SH3BP4: variants seen among roughly 807,000 people sequenced by gnomAD.
SH3BP4 encodes the protein SH3 domain-binding protein 4.
SH3BP4 carries 33 observed loss-of-function variants against 65.5 expected under a neutral mutation model. That is an observed-to-expected ratio of 0.50 (90% confidence interval 0.38 to 0.67). SH3BP4 has a LOEUF of 0.67. Ranked by LOEUF, SH3BP4 falls within the 30% of genes least tolerant of loss-of-function variation. The pLI, the probability that SH3BP4 is intolerant of heterozygous loss-of-function variation, is 0.00. For synonymous variants in SH3BP4, 552 were observed against 545.5 expected, an observed-to-expected ratio of 1.01 and a Z score of -0.17; for missense variants, 1,134 against 1,261.4, an observed-to-expected ratio of 0.90 and a Z score of 1.53.
chr2:235,005,008 G>A (rs1346609441), intron 2 of SH3BP4, among the ~76,000 whole-genome samples: 1 of 152,200 alleles, frequency 6.6e-6, no homozygotes, highest in East Asian at 1.9e-4. Context: ...CTGTTGGCAT[G>A]GACCAGCAAG....
intron 1 of SH3BP4, among the ~76,000 whole-genome samples, chr2:234,988,702 G>A (rs1693659211): frequency 2.0e-5 from 3 of 152,164 alleles, no homozygotes; most frequent in Non-Finnish European, 2.9e-5. Context: ...GGTGCCAGGA[G>A]GAGCTCACGG....
chr2:235,040,985 C>G lies in SH3BP4; in HGVS notation c.216C>G (p.Thr72=), dbSNP rs1695615044. 6.2e-7 allele frequency: 1 copy of G among 1,613,910 alleles called. No homozygotes were observed. Among genetic ancestry groups the G allele is most frequent in the Admixed American group, 1.7e-5 (1 of 60,008 alleles). The stretch of plus-strand genomic sequence containing the variant: ...AGGACTATTGCCCCACCAACTTCAC[C>G]ACACTGAAGTTCTCCAAGGGCGACC... ...AIKDYCPTNF[T]TLKFSKGDHL... is the part of the protein sequence containing the mutation. The change falls in exon 4 of 6, where the codon ACC becomes ACG. Residue 72 remains threonine (T), a synonymous_variant. Coordinates refer to ENST00000392011, the MANE Select transcript of SH3BP4 (RefSeq NM_014521.3).
intron 2 of SH3BP4, among the ~76,000 whole-genome samples, chr2:235,020,934 C>A (rs931496115): frequency 2.0e-5 from 3 of 152,200 alleles, no homozygotes; most frequent in Non-Finnish European, 4.4e-5. Context: ...ATAATCTTGA[C>A]ACCAGGGAGG....
In SH3BP4 at chr2:234,976,793, C is replaced by A. The variant is rs371188513; in HGVS notation, c.-206-18510C>A. ...GCGTCTTACAGAATACCTAACCAGGCCTCCTCTACTGTCAAGGTCACCCAA... is the reference window on the plus strand; with the variant it reads ...GCGTCTTACAGAATACCTAACCAGGACTCCTCTACTGTCAAGGTCACCCAA... On this transcript the variant is annotated intron_variant, in intron 1 of 5. Coordinates refer to ENST00000392011, the MANE Select transcript of SH3BP4 (RefSeq NM_014521.3). This position sits in a 1 kb window ranked among gnomAD's most constrained non-coding sequence, Gnocchi z 4.7. Among the ~76,000 whole-genome samples, 4 of 152,310 alleles carry A rather than the reference C, an allele frequency of 2.6e-5. No individual in the cohort carries two copies. Among genetic ancestry groups the A allele is most frequent in the African/African-American group, 9.6e-5 (4 of 41,560 alleles).
intron 2 of SH3BP4, among the ~76,000 whole-genome samples, chr2:235,019,237 G>A (rs978210504): frequency 1.3e-5 from 2 of 152,120 alleles, no homozygotes; most frequent in African/African-American, 2.4e-5. Context: ...GGGAGCCCAG[G>A]AGGGCGCTGC....
rs34333205 is a variant in SH3BP4, at chr2:235,034,125, A to AC, written c.-132-740dup. On this transcript the variant is annotated intron_variant, in intron 2 of 5. Transcript: ENST00000392011. This position sits in a 1 kb window ranked among gnomAD's most constrained non-coding sequence, Gnocchi z 6.2. Reference sequence around the variant, plus strand: ...GCCAGTCACCTCATTCATATCCAGAACCCCCCACATGCTTCAGTCCTGTCT... The same window carrying AC: ...GCCAGTCACCTCATTCATATCCAGAACCCCCCCACATGCTTCAGTCCTGTCT... 1.3e-5 allele frequency among the ~76,000 whole-genome samples: 2 copies of AC among 150,932 alleles called. No homozygotes were observed. Among genetic ancestry groups the AC allele is most frequent in the African/African-American group, 4.9e-5 (2 of 40,946 alleles).
At chr2:235,043,279 G>A (rs1695740273) in intron 4 of SH3BP4, 32 bp downstream of exon 4, 1 of 1,518,000 alleles carries the variant, frequency 6.6e-7, no homozygotes. Context: ...GGGCGTTCAG[G>A]GGTGCTGCTC....
At chr2:234,965,139 G>A (rs1692807056) in intron 1 of SH3BP4, among the ~76,000 whole-genome samples, 1 of 152,170 alleles carries the variant, frequency 6.6e-6, no homozygotes, top group Non-Finnish European at 1.5e-5. Flanking sequence ...CTAAGCTGAC[G>A]GTTGAATCAT....
intron 2 of SH3BP4, among the ~76,000 whole-genome samples, chr2:235,009,899 C>A (rs1353070256): frequency 2.6e-5 from 4 of 152,060 alleles, no homozygotes; most frequent in African/African-American, 9.7e-5. Context: ...TCCATGTCAC[C>A]CCCAGGACCT....
At chr2:235,001,331 AGGATTTGCACCCTCAAAAAAC>A (rs946300362) in intron 2 of SH3BP4, among the ~76,000 whole-genome samples, 3 of 152,162 alleles carry the variant, frequency 2.0e-5, no homozygotes, top group Non-Finnish European at 4.4e-5. Context: ...GATTCCTTAG[AGGATTTGCACCCTCAAAAAAC>A]GTTAACAACC....
In SH3BP4 at chr2:235,013,016, C is replaced by T. The variant is rs560155560; in HGVS notation, c.-133+17640C>T. On this transcript the variant is annotated intron_variant, in intron 2 of 5. Transcript: ENST00000392011. ...TGCAGATGGTGACACAGCTTTTCTCCCAGGCTGTGGAAATTTCAGCCCACT... is the reference window on the plus strand; with the variant it reads ...TGCAGATGGTGACACAGCTTTTCTCTCAGGCTGTGGAAATTTCAGCCCACT... Among the ~76,000 whole-genome samples, 24 of 152,302 alleles carry T rather than the reference C, an allele frequency of 1.6e-4. No individual in the cohort carries two copies. In the South Asian group the frequency reaches 4.4e-3, roughly 28 times the overall value.
At chr2:235,014,097 A>T (rs1490801481) in intron 2 of SH3BP4, among the ~76,000 whole-genome samples, 2 of 152,208 alleles carry the variant, frequency 1.3e-5, no homozygotes, top group South Asian at 2.1e-4. Flanking sequence ...TCAACTTAAA[A>T]AAAAAAGAAA....
At chr2:235,013,941 T>A (rs1450123889) in intron 2 of SH3BP4, among the ~76,000 whole-genome samples, 2 of 152,138 alleles carry the variant, frequency 1.3e-5, no homozygotes. Flanking sequence ...TAGGATTGAT[T>A]TCAGATGCAA....
chr2:235,008,190 C>A (rs527928510), intron 2 of SH3BP4, among the ~76,000 whole-genome samples: 1 of 152,118 alleles, frequency 6.6e-6, no homozygotes, highest in Non-Finnish European at 1.5e-5. Context: ...GAGGGGCCAC[C>A]GCAGGATGTG....
Position 235,042,045 on chromosome 2 carries a change from G to A in SH3BP4, c.1276G>A (p.Val426Ile), listed in dbSNP as rs1248252697. 1.9e-6 allele frequency: 3 copies of A among 1,613,978 alleles called. No individual in the cohort carries two copies. The highest frequency in any genetic ancestry group is 2.5e-6 in the Non-Finnish European group (3 of 1,180,052). ...GAGCGACTCGAAGGAAGGGCCATATGTCTCCGTCCCGCTCAACTGCAGCTG... is the reference window on the plus strand; with the variant it reads ...GAGCGACTCGAAGGAAGGGCCATATATCTCCGTCCCGCTCAACTGCAGCTG... ...LRSDSKEGPY[V>I]SVPLNCSCGD... The change falls in exon 4 of 6, where the codon GTC (valine) becomes ATC (isoleucine). Residue 426 changes from valine to isoleucine, a missense_variant. Transcript: ENST00000392011. The surrounding 1 kb of genome is among the most constrained non-coding windows in gnomAD (Gnocchi z 7.3).
chr2:234,952,996 C>G lies in SH3BP4; in HGVS notation c.-207+826C>G, dbSNP rs1028646447. 2.6e-5 allele frequency: 4 copies of G among 152,222 alleles called. No individual in the cohort carries two copies. The highest frequency in any genetic ancestry group is 9.6e-5 in the African/African-American group (4 of 41,452). The allele number at this position is 152,222 out of a possible 1,614,324, so 9.4% of individuals were successfully genotyped here. On this transcript the variant is annotated intron_variant, in intron 1 of 5. Transcript: ENST00000392011. This position sits in a 1 kb window ranked among gnomAD's most constrained non-coding sequence, Gnocchi z 6.5. Reference sequence around the variant, plus strand: ...TGGCCCTGACCGGGTGTCGGGCGCCCAGAGATGCCGCGCGGGAGGAGCCGC... The same window carrying G: ...TGGCCCTGACCGGGTGTCGGGCGCCGAGAGATGCCGCGCGGGAGGAGCCGC...
intron 3 of SH3BP4, among the ~76,000 whole-genome samples, chr2:235,040,164 G>T (rs182937528): frequency 6.6e-6 from 1 of 152,190 alleles, no homozygotes; most frequent in African/African-American, 2.4e-5. Flanking sequence ...GAATCTGAGC[G>T]GCTGAGGTTG....
In SH3BP4 at chr2:235,041,365, C is replaced by T. The variant is rs1266250755; in HGVS notation, c.596C>T (p.Thr199Ile). 2 of 1,614,212 alleles carry T rather than the reference C, an allele frequency of 1.2e-6. No homozygotes were observed. Among genetic ancestry groups the T allele is most frequent in the Non-Finnish European group, 8.5e-7 (1 of 1,180,050 alleles). ...GATTTGCTCCTTTTTGACGCAGGTA[C>T]ATCCTCCTTCACCGAATCCAGCTCA... ...TVDLLLFDAG[T>I]SSFTESSSAT... is the part of the protein sequence containing the mutation. The change falls in exon 4 of 6, where the codon ACA becomes ATA. Residue 199 changes from threonine (T) to isoleucine (I), a missense_variant. Physicochemically the swap from Thr to Ile is moderately conservative, Grantham distance 89 (BLOSUM62 -1). Coordinates refer to ENST00000392011, the MANE Select transcript of SH3BP4 (RefSeq NM_014521.3). This position sits in a 1 kb window ranked among gnomAD's most constrained non-coding sequence, Gnocchi z 6.0.
chr2:234,985,060 C>A (rs75985325), intron 1 of SH3BP4, among the ~76,000 whole-genome samples: 24,585 of 152,152 alleles, frequency 0.16, 2,358 homozygotes, highest in Non-Finnish European at 0.22. Context: ...ATGTCTGCAG[C>A]GCATCCTCCA....
Sources: allele counts gnomAD v4.1 joint callset (sites outside exome capture counted in the v4.1 genomes callset), GRCh38; gene constraint gnomAD v4.1.1; non-coding constraint Gnocchi (gnomAD v3.1); transcripts MANE v1.5; gene names NCBI Gene and HGNC (gene_info 2026-07-23, HGNC 2026-07-21).